SGCZ: variants seen among roughly 807,000 people sequenced by gnomAD.
The protein encoded by SGCZ is zeta-sarcoglycan.
Under a neutral mutation model 41.3 loss-of-function variants are expected in SGCZ, and 40 were observed. The ratio of observed to expected loss-of-function variants is 0.97; its 90% CI spans 0.75 to 1.26. The LOEUF is 1.26. Ranked by LOEUF, SGCZ falls within the 50% of genes most tolerant of loss-of-function variation. The pLI, the probability that SGCZ is intolerant of heterozygous loss-of-function variation, is 0.00. For missense variants in SGCZ, 552 were observed against 369.8 expected (o/e 1.49, Z -4.04); for synonymous variants, 206 against 137.5 (o/e 1.50, Z -3.49).
chr8:14,797,390 C>A (rs1237619070), intron 1 of SGCZ, among the ~76,000 whole-genome samples: 1 of 152,110 alleles, frequency 6.6e-6, no homozygotes, highest in Non-Finnish European at 1.5e-5. Context: ...AAAGAGGACA[C>A]TTGTTCTGCT....
At chr8:14,658,546 C>T (rs1382823875) in intron 1 of SGCZ, among the ~76,000 whole-genome samples, 1 of 152,134 alleles carries the variant, frequency 6.6e-6, no homozygotes. Context: ...CTTTTCCCTA[C>T]ACATCCTTAC....
intron 1 of SGCZ, among the ~76,000 whole-genome samples, chr8:14,729,350 C>A (rs2036820): frequency 0.29 from 44,241 of 151,926 alleles, 6,865 homozygotes; most frequent in East Asian, 0.42. Context: ...CTATTGCGGA[C>A]TGAAGTGAGT....
chr8:15,180,915 G>A (rs1445087505), intron 1 of SGCZ, among the ~76,000 whole-genome samples: 2 of 151,418 alleles, frequency 1.3e-5, no homozygotes, highest in Non-Finnish European at 2.9e-5. Flanking sequence ...GAAAAAGACA[G>A]GATACCAGCA....
At chr8:14,558,011 G>T (rs1299974186) in intron 1 of SGCZ, among the ~76,000 whole-genome samples, 1 of 152,056 alleles carries the variant, frequency 6.6e-6, no homozygotes, top group African/African-American at 2.4e-5. Context: ...CAGAAATACA[G>T]AAGATCATTT....
At chr8:14,653,410 T>C (rs751854032) in intron 1 of SGCZ, among the ~76,000 whole-genome samples, 5 of 152,134 alleles carry the variant, frequency 3.3e-5, no homozygotes, top group Admixed American at 3.3e-4. Context: ...TCCTATATAG[T>C]GCTTAGCCCA....
At chr8:15,202,767 G>T (rs969603108) in intron 1 of SGCZ, among the ~76,000 whole-genome samples, 1 of 152,100 alleles carries the variant, frequency 6.6e-6, no homozygotes, top group African/African-American at 2.4e-5. Context: ...AGAAATGAGA[G>T]AAATTAACAA....
At chr8:14,812,986 G>T (rs1162627921) in intron 1 of SGCZ, among the ~76,000 whole-genome samples, 1 of 152,024 alleles carries the variant, frequency 6.6e-6, no homozygotes, top group African/African-American at 2.4e-5. Flanking sequence ...CAAGGCCCTG[G>T]ATGTTATATC....
chr8:14,326,027 G>C (rs542361749), intron 2 of SGCZ, among the ~76,000 whole-genome samples: 144 of 146,838 alleles, frequency 9.8e-4, no homozygotes, highest in African/African-American at 3.5e-3. Flanking sequence ...CAGGAGAATG[G>C]CACGAACCCG....
chr8:14,996,352 G>C (rs1342526870), intron 1 of SGCZ, among the ~76,000 whole-genome samples: 1 of 152,198 alleles, frequency 6.6e-6, no homozygotes, highest in African/African-American at 2.4e-5. Flanking sequence ...AACCAAATGA[G>C]GGGTGATGAC....
intron 1 of SGCZ, among the ~76,000 whole-genome samples, chr8:15,048,141 C>A (rs148523290): frequency 6.6e-6 from 1 of 152,110 alleles, no homozygotes; most frequent in African/African-American, 2.4e-5. Context: ...AATGAAACAA[C>A]TTCAGCCATA....
chr8:14,739,533 A>G lies in SGCZ; in HGVS notation c.40-184607T>C, dbSNP rs76420711. ...CTCTTTTTTGTTGAAATCAAAAATTACCCACACACCACAAAACTCTAAAGC... is the reference window on the plus strand; with the variant it reads ...CTCTTTTTTGTTGAAATCAAAAATTGCCCACACACCACAAAACTCTAAAGC... On this transcript the variant is annotated intron_variant, in intron 1 of 7. Transcript: ENST00000382080. Among the ~76,000 whole-genome samples, 737 of 152,162 alleles carry G rather than the reference A, an allele frequency of 4.8e-3. 2 individuals carry two copies. Among genetic ancestry groups the G allele is most frequent in the African/African-American group, 0.017 (702 of 41,528 alleles).
chr8:15,070,853 G>A (rs1805325839), intron 1 of SGCZ, among the ~76,000 whole-genome samples: 1 of 152,146 alleles, frequency 6.6e-6, no homozygotes. Context: ...CATAGGATTT[G>A]CTATAGAAAC....
chr8:14,725,316 G>T (rs1051359952), intron 1 of SGCZ, among the ~76,000 whole-genome samples: 69 of 152,118 alleles, frequency 4.5e-4, no homozygotes, highest in African/African-American at 1.6e-3. Flanking sequence ...CTATCTCTTT[G>T]ATATATTTAT....
chr8:14,197,171 C>T (rs753213275), intron 4 of SGCZ, among the ~76,000 whole-genome samples: 4 of 152,096 alleles, frequency 2.6e-5, no homozygotes, highest in Admixed American at 6.6e-5. Context: ...GTCCGGATGG[C>T]TTTCTTTGGC....
chr8:15,111,673 G>C (rs1807062354), intron 1 of SGCZ, among the ~76,000 whole-genome samples: 1 of 152,146 alleles, frequency 6.6e-6, no homozygotes, highest in Non-Finnish European at 1.5e-5. Context: ...AGGCCGAGGT[G>C]GGCGGATCAC....
intron 3 of SGCZ, among the ~76,000 whole-genome samples, chr8:14,281,975 C>T (rs991124588): frequency 8.6e-5 from 13 of 152,042 alleles, no homozygotes; most frequent in African/African-American, 3.1e-4. Context: ...TCCCCTTCTA[C>T]AACATTGATC....
intron 2 of SGCZ, among the ~76,000 whole-genome samples, chr8:14,325,138 A>G (rs1465041182): frequency 6.6e-6 from 1 of 152,296 alleles, no homozygotes; most frequent in East Asian, 1.9e-4. Flanking sequence ...ATAGTTCAAT[A>G]GCTTGAAATG....
chr8:14,632,490 G>T (rs1806690788), intron 1 of SGCZ, among the ~76,000 whole-genome samples: 1 of 152,060 alleles, frequency 6.6e-6, no homozygotes, highest in Non-Finnish European at 1.5e-5. Context: ...TCAACGTATG[G>T]CTTCAACAAA....
intron 2 of SGCZ, among the ~76,000 whole-genome samples, chr8:14,324,484 A>G (rs1481414296): frequency 6.6e-6 from 1 of 152,152 alleles, no homozygotes; most frequent in Admixed American, 6.5e-5. Flanking sequence ...TACTTTCTTC[A>G]TGCATCAGTC....
Sources: gnomAD v4.1 joint callset for allele counts (sites outside exome capture counted in the v4.1 genomes callset) on GRCh38, gnomAD v4.1.1 for gene constraint, MANE v1.5 for transcripts, NCBI Gene and HGNC (gene_info 2026-07-23, HGNC 2026-07-21) for gene names.